The following USP45 variants were observed in gnomAD, a reference collection of about 807,000 sequenced individuals.
USP45 encodes the protein ubiquitin specific peptidase 45.
A neutral mutation model predicts 95.8 loss-of-function variants in USP45; 89 were observed. That is an observed-to-expected ratio of 0.93 (90% CI 0.78 to 1.11). The LOEUF is 1.11. Among genes scored for constraint, USP45 ranks in the 50% least tolerant of loss-of-function variants. The pLI is 0.00. For missense variants in USP45, 898 were observed against 942.5 expected, an observed-to-expected ratio of 0.95 and a Z score of 0.62; for synonymous variants, 281 against 316.2, an observed-to-expected ratio of 0.89 and a Z score of 1.18.
chr6:99,516,912 T>G (rs899956938), upstream of USP45, among the ~76,000 whole-genome samples: 10 of 152,192 alleles, frequency 6.6e-5, no homozygotes, highest in Admixed American at 6.5e-4. Context: ...TTGAATTAGA[T>G]TATGGAAATT....
intron 7 of USP45, among the ~76,000 whole-genome samples, chr6:99,486,293 G>A (rs1191206741): frequency 6.6e-6 from 1 of 152,222 alleles, no homozygotes; most frequent in East Asian, 1.9e-4. Context: ...AAATTACCCT[G>A]TTAGAATGAT....
intron 5 of USP45, among the ~76,000 whole-genome samples, chr6:99,494,812 T>G (rs1795949154): frequency 6.6e-6 from 1 of 152,172 alleles, no homozygotes; most frequent in African/African-American, 2.4e-5. Flanking sequence ...GAGAATCGTT[T>G]GAACCCGGGA....
chr6:99,515,467 G>A (rs1473359992), upstream of USP45: 1 of 152,276 alleles, frequency 6.6e-6, no homozygotes, highest in African/African-American at 2.4e-5. Context: ...CGGCAGAGGT[G>A]GGGCCTCGTT....
chr6:99,443,874 A>G (rs1276916848), intron 14 of USP45, among the ~76,000 whole-genome samples: 1 of 152,198 alleles, frequency 6.6e-6, no homozygotes, highest in Non-Finnish European at 1.5e-5. Flanking sequence ...ATAAGAACAA[A>G]GAATAGGAGA....
At chr6:99,515,523 G>T (rs917219234), upstream of USP45, 1 of 152,238 alleles carries the variant, frequency 6.6e-6, no homozygotes, top group Non-Finnish European at 1.5e-5. Context: ...CGGCGCGCCC[G>T]GGGCCCGGGA....
In USP45 at chr6:99,510,160, T is replaced by C. The variant is rs766678821; in HGVS notation, c.61A>G (p.Thr21Ala). ...PEKAKRSKRP[T>A]VPHDEDSSDD... ...GAAGAGTCTTCATCATGAGGTACAG[T>C]AGGCCTTTTACTTCTTTTGGCTTTC... Residue 21 changes from threonine to alanine, a missense_variant, in exon 2 of 18, where the codon ACT (threonine) becomes GCT (alanine). Coordinates refer to ENST00000500704, the MANE Select transcript of USP45 (RefSeq NM_001346022.3). 3.1e-5 allele frequency: 50 copies of C among 1,613,828 alleles called. No homozygotes were observed. The highest frequency in any genetic ancestry group is 2.3e-4 in the Admixed American group (14 of 59,994).
intron 15 of USP45, among the ~76,000 whole-genome samples, chr6:99,442,386 T>G (rs2128540784): frequency 6.6e-6 from 1 of 152,316 alleles, no homozygotes; most frequent in South Asian, 2.1e-4. Flanking sequence ...AATTCAGAAC[T>G]TAATCTAATC....
chr6:99,435,780 AC>A lies in USP45; in HGVS notation c.2380del (p.Val794TrpfsTer24). On this transcript the variant is annotated frameshift_variant, in exon 18 of 18. Coordinates refer to ENST00000500704, the MANE Select transcript of USP45 (RefSeq NM_001346022.3). LOFTEE classifies it high-confidence loss of function. Reference protein sequence around the residue: ...WVHVSDTYLQVVPESRALSAQ... With the variant: ...WVHVSDTYLQXVPESRALSAQ... ...ACTAAGTGCTCTTGATTCTGGAACCACCTGTAAGTAAGTGTCACTAACATGG... is the reference window on the plus strand; with the variant it reads ...ACTAAGTGCTCTTGATTCTGGAACCACTGTAAGTAAGTGTCACTAACATGG... 6.2e-7 allele frequency: 1 copy of A among 1,613,684 alleles called. No individual in the cohort carries two copies. The highest frequency in any genetic ancestry group is 8.5e-7 in the Non-Finnish European group (1 of 1,179,610).
chr6:99,477,077 G>A (rs1791050728), intron 8 of USP45, among the ~76,000 whole-genome samples: 1 of 152,084 alleles, frequency 6.6e-6, no homozygotes, highest in Non-Finnish European at 1.5e-5. Flanking sequence ...AAATAATTCT[G>A]TCAAAATACA....
intron 1 of USP45, among the ~76,000 whole-genome samples, chr6:99,510,561 G>A (rs1455743002): frequency 1.3e-5 from 2 of 152,172 alleles, no homozygotes; most frequent in Non-Finnish European, 2.9e-5. Context: ...TGTAGGTGGA[G>A]CCCTCATGAA....
rs1279425006 is a variant in USP45 at position 99,433,347 on chromosome 6, T to A, written c.*2369A>T. ...TCAAACACTATGGTAGTTATGTTGATGATAAGTAAACATTATTATTTATTT... is the reference window on the plus strand; with the variant it reads ...TCAAACACTATGGTAGTTATGTTGAAGATAAGTAAACATTATTATTTATTT... On this transcript the variant is annotated 3_prime_UTR_variant, in exon 18 of 18. Transcript: ENST00000500704. 1 of 152,606 alleles carries A rather than the reference T, an allele frequency of 6.6e-6. No individual in the cohort carries two copies. The highest frequency in any genetic ancestry group is 2.4e-5 in the African/African-American group (1 of 41,420). The allele number at this position is 152,606 out of a possible 1,614,324, so 9.5% of individuals were successfully genotyped here. A position where few individuals can be genotyped will look rare whatever the true frequency, so the allele number is the denominator to read the frequency against.
At chr6:99,477,517 T>C (rs1397652959) in intron 8 of USP45, among the ~76,000 whole-genome samples, 1 of 152,150 alleles carries the variant, frequency 6.6e-6, no homozygotes, top group Non-Finnish European at 1.5e-5. Flanking sequence ...TTCTCCATGT[T>C]GGTCAGGCTG....
chr6:99,479,014 A>AC (rs1242032515), intron 8 of USP45, among the ~76,000 whole-genome samples: 1 of 151,458 alleles, frequency 6.6e-6, no homozygotes, highest in East Asian at 1.9e-4. Context: ...TGCAACAACA[A>AC]AAAAAAAAAC....
At chr6:99,471,664 A>C (rs779641237) in intron 9 of USP45, among the ~76,000 whole-genome samples, 14 of 152,262 alleles carry the variant, frequency 9.2e-5, no homozygotes, top group Admixed American at 1.3e-4. Context: ...ATTCAGCAAG[A>C]GTATATTCCT....
At chr6:99,453,381 GA>G (rs1025404366) in intron 13 of USP45, among the ~76,000 whole-genome samples, 6 of 149,134 alleles carry the variant, frequency 4.0e-5, no homozygotes, top group Non-Finnish European at 8.9e-5. Flanking sequence ...AAAGTAGCTG[GA>G]AAAAAAAATC....
Position 99,445,935 on chromosome 6 carries a change from T to C in USP45, c.1837A>G (p.Thr613Ala). The change falls in exon 14 of 18, where the codon ACT (threonine) becomes GCT (alanine). Residue 613 changes from threonine (T) to alanine (A), a missense_variant. Transcript: ENST00000500704. ...AFQTLSQSYI[T>A]TSKECSIQSC... ...TGAATTGAACATTCTTTAGAAGTAG[T>C]TATATAGCTCTGAGAAAGGGTCTGA... is the stretch of plus-strand genomic sequence containing the variant. The C allele has an allele frequency of 6.2e-7, 1 of 1,614,054 alleles. No homozygotes were observed. Among genetic ancestry groups the C allele is most frequent in the Non-Finnish European group, 8.5e-7 (1 of 1,180,012 alleles).
At chr6:99,483,957 T>C (rs888366219) in intron 7 of USP45, among the ~76,000 whole-genome samples, 4 of 149,704 alleles carry the variant, frequency 2.7e-5, no homozygotes, top group African/African-American at 9.8e-5. Flanking sequence ...CAACTATCCT[T>C]AAAAATCCAC....
chr6:99,510,244 G>A lies in USP45; in HGVS notation c.-10-14C>T. ...ATCTGTTATTTACTGAAGGGATTGA[G>A]GGAAAAAAATTCATACATTTTAGTC... is the stretch of plus-strand genomic sequence containing the variant. On this transcript the variant is annotated splice_polypyrimidine_tract_variant and intron_variant, in intron 1 of 17. Coordinates refer to ENST00000500704, the MANE Select transcript of USP45 (RefSeq NM_001346022.3). The A allele has an allele frequency of 3.2e-6, 5 of 1,578,848 alleles. No individual in the cohort carries two copies. Among genetic ancestry groups the A allele is most frequent in the Non-Finnish European group, 2.6e-6 (3 of 1,159,464 alleles).
intron 8 of USP45, among the ~76,000 whole-genome samples, chr6:99,481,342 G>A (rs1792364760): frequency 6.6e-6 from 1 of 152,146 alleles, no homozygotes; most frequent in South Asian, 2.1e-4. Flanking sequence ...GAGGAGTAAA[G>A]ATAGAGAGGA....
Sources: gnomAD v4.1 joint callset for allele counts (sites outside exome capture counted in the v4.1 genomes callset) on GRCh38, gnomAD v4.1.1 for gene constraint, MANE v1.5 for transcripts, NCBI Gene and HGNC (gene_info 2026-07-23, HGNC 2026-07-21) for gene names.